NECAB2: variants seen among roughly 807,000 people sequenced by gnomAD.
NECAB2 encodes the protein N-terminal EF-hand calcium-binding protein 2.
Under a neutral mutation model 51.9 loss-of-function variants are expected in NECAB2, and 68 were observed. That is an observed-to-expected ratio of 1.31 (90% CI 1.08 to 1.60). NECAB2 has a LOEUF of 1.60. Ranked by LOEUF, NECAB2 falls within the 40% of genes most tolerant of loss-of-function variation. The pLI is 0.00. For missense variants in NECAB2, 854 were observed against 490.3 expected (o/e 1.74, Z -7.00); for synonymous variants, 329 against 203.5 (o/e 1.62, Z -5.25).
At chr16:83,968,058 G>A (rs1328646459), upstream of NECAB2, among the ~76,000 whole-genome samples, 3 of 151,842 alleles carry the variant, frequency 2.0e-5, no homozygotes, top group East Asian at 1.9e-4. Flanking sequence ...AAGGAAAGAT[G>A]TTCTGGGGTG....
chr16:83,978,671 A>C, intron 3 of NECAB2, 119 bp downstream of exon 3: 1 of 845,466 alleles, frequency 1.2e-6, no homozygotes. Flanking sequence ...AAATCCCCAA[A>C]TTTGCTAATC....
intron 5 of NECAB2, 27 bp downstream of exon 5, chr16:83,981,154 G>GTCCAGGGA (rs1555546771): frequency 6.4e-7 from 1 of 1,571,448 alleles, no homozygotes; most frequent in African/African-American, 1.4e-5. Context: ...GGCCCCCGGG[G>GTCCAGGGA]TCCAGGGCTC....
intron 11 of NECAB2, among the ~76,000 whole-genome samples, chr16:84,001,598 T>C (rs1329986806): frequency 2.0e-5 from 3 of 152,100 alleles, no homozygotes; most frequent in African/African-American, 7.2e-5. Flanking sequence ...AGTGGGGGGA[T>C]CCCGCTGCCC....
intron 6 of NECAB2, chr16:83,993,620 C>CTG (rs57610964): frequency 0.12 from 15,598 of 135,262 alleles, 853 homozygotes; most frequent in South Asian, 0.14. Flanking sequence ...GCAAGGTGAG[C>CTG]TGTGTGTGTG....
chr16:83,998,438 A>C (rs2084752996), intron 10 of NECAB2, 121 bp downstream of exon 10: 9 of 888,398 alleles, frequency 1.0e-5, no homozygotes, highest in Middle Eastern at 3.1e-4. Flanking sequence ...GGACACACAC[A>C]GCTGGATGCG....
upstream of NECAB2, among the ~76,000 whole-genome samples, chr16:83,967,437 GGAT>G (rs2084293754): frequency 7.8e-6 from 1 of 128,736 alleles, no homozygotes; most frequent in Non-Finnish European, 1.7e-5. Context: ...ATGGATGGGA[GGAT>G]GGTGGGTGGG....
At chr16:84,000,825 A>G (rs575453286) in intron 11 of NECAB2, 24 bp downstream of exon 11, 2 of 1,608,938 alleles carry the variant, frequency 1.2e-6, no homozygotes, top group African/African-American at 1.3e-5. Flanking sequence ...TCCCCACAGC[A>G]GGTGAGGGAG....
At chr16:83,965,575 C>A (rs1398701180), upstream of NECAB2, 1 of 1,612,988 alleles carries the variant, frequency 6.2e-7, no homozygotes, top group South Asian at 1.1e-5. Context: ...AGATGCTGTA[C>A]CCCGAGTACC....
intron 1 of NECAB2, among the ~76,000 whole-genome samples, chr16:83,970,545 T>C (rs1344665228): frequency 6.6e-6 from 1 of 152,100 alleles, no homozygotes; most frequent in Non-Finnish European, 1.5e-5. Context: ...GGTGCCCCCT[T>C]TCTCGTTGCC....
chr16:84,000,703 C>A (rs372099493), intron 10 of NECAB2, 21 bp from the exon 11 acceptor site: 1 of 1,613,046 alleles, frequency 6.2e-7, no homozygotes, highest in South Asian at 1.1e-5. Flanking sequence ...GCCTCCTCCC[C>A]CCGACCATCT....
At chr16:83,979,194 G>A (rs1423479835) in intron 3 of NECAB2, among the ~76,000 whole-genome samples, 1 of 152,154 alleles carries the variant, frequency 6.6e-6, no homozygotes, top group Non-Finnish European at 1.5e-5. Flanking sequence ...CCCCAGACAG[G>A]ATGAGGTCTG....
At chr16:83,998,836 C>T (rs923600557) in intron 10 of NECAB2, among the ~76,000 whole-genome samples, 6 of 152,106 alleles carry the variant, frequency 3.9e-5, no homozygotes, top group Admixed American at 6.5e-5. Context: ...CAGGGCGGGG[C>T]AAGCGGCCTT....
At position 84,002,364 on chromosome 16, in the gene NECAB2, G is replaced by T. The variant is rs148103213; in HGVS notation, c.*18G>T. On this transcript the variant is annotated 3_prime_UTR_variant, in exon 13 of 13. Transcript: ENST00000305202. ...GGGACTGACAGCCTCCCAGAGGCCCGTGGAGGAGCCCACCAGCCCCTTCTT... is the reference window on the plus strand; with the variant it reads ...GGGACTGACAGCCTCCCAGAGGCCCTTGGAGGAGCCCACCAGCCCCTTCTT... 3.6e-4 allele frequency: 582 copies of T among 1,613,310 alleles called. 8 individuals carry two copies. The East Asian group carries it at 0.012, about 32-fold the overall frequency.
Position 83,972,140 on chromosome 16 carries a change from C to G in NECAB2, c.202-11C>G, listed in dbSNP as rs770562183. 1.9e-6 allele frequency: 3 copies of G among 1,613,338 alleles called. No individual in the cohort carries two copies. The highest frequency in any genetic ancestry group is 2.5e-6 in the Non-Finnish European group (3 of 1,180,018). ...CTGGCCCAGGGCTGACTCCGCCTCT[C>G]TTTTCTGCAGATTTTCCGCCGTGCG... On this transcript the variant is annotated splice_polypyrimidine_tract_variant and intron_variant, in intron 1 of 12. Coordinates refer to ENST00000305202, the MANE Select transcript of NECAB2 (RefSeq NM_019065.3).
chr16:83,993,298 C>A (rs2084649789), intron 6 of NECAB2: 1 of 152,204 alleles, frequency 6.6e-6, no homozygotes, highest in African/African-American at 2.4e-5. Flanking sequence ...TATAGAGAAG[C>A]CATGATTGAC....
At chr16:83,999,435 C>T (rs1010262516) in intron 10 of NECAB2, among the ~76,000 whole-genome samples, 7 of 152,132 alleles carry the variant, frequency 4.6e-5, no homozygotes, top group Admixed American at 6.5e-5. Flanking sequence ...TCTGGTTTGT[C>T]GAGTTGGAGA....
intron 5 of NECAB2, among the ~76,000 whole-genome samples, chr16:83,985,220 G>A (rs1352755534): frequency 6.9e-6 from 1 of 144,196 alleles, no homozygotes; most frequent in African/African-American, 2.5e-5. Context: ...GGCTGAGGCA[G>A]GAGAATCACT....
chr16:83,987,186 T>G (rs78561097), intron 5 of NECAB2, among the ~76,000 whole-genome samples: 2,015 of 152,276 alleles, frequency 0.013, 48 homozygotes, highest in African/African-American at 0.046. Flanking sequence ...AATAGTAAAC[T>G]TAGAAAAACA....
chr16:83,997,380 C>G (rs189327801), intron 9 of NECAB2, 111 bp downstream of exon 9: 12 of 1,389,526 alleles, frequency 8.6e-6, no homozygotes, highest in African/African-American at 1.4e-5. Context: ...TTGGGACCAC[C>G]AGGAGGGGAG....
Sources: gnomAD v4.1 joint callset for allele counts (sites outside exome capture counted in the v4.1 genomes callset) on GRCh38, gnomAD v4.1.1 for gene constraint, MANE v1.5 for transcripts, NCBI Gene and HGNC (gene_info 2026-07-23, HGNC 2026-07-21) for gene names.